ZNF44: variants seen among roughly 807,000 people sequenced by gnomAD.
ZNF44 encodes the protein gonadotropin inducible transcription repressor-2.
A neutral mutation model predicts 11.7 loss-of-function variants in ZNF44; 9 were observed. The ratio of observed to expected loss-of-function variants is 0.77; its 90% confidence interval spans 0.46 to 1.35. ZNF44 has a LOEUF of 1.35. Ranked by LOEUF, ZNF44 falls within the 40% of genes most tolerant of loss-of-function variation. The probability of loss-of-function intolerance (pLI) is 0.00; values close to 1 mark genes in which losing one functional copy is unlikely to be tolerated. For missense variants in ZNF44, 696 were observed against 743.1 expected, an observed-to-expected ratio of 0.94 and a Z score of 0.74; for synonymous variants, 224 against 242.7, an observed-to-expected ratio of 0.92 and a Z score of 0.72.
chr19:12,293,312 C>T (rs1968096810), intron 1 of ZNF44: 1 of 1,536,960 alleles, frequency 6.5e-7, no homozygotes, highest in East Asian at 2.4e-5. Context: ...TCCACTAGGC[C>T]CTCCATGAGA....
At chr19:12,260,249 G>C (rs113137049) in intron 5 of ZNF44, 14 of 811,080 alleles carry the variant, frequency 1.7e-5, no homozygotes, top group Non-Finnish European at 2.8e-5. Flanking sequence ...GCTACAACGG[G>C]CTGATTCACC....
Position 12,272,216 on chromosome 19 carries a change from G to T in ZNF44, c.*191C>A. ...AGACAGGGTTTCCCATGTTAGCCAG[G>T]CTGGTCTCGATCTCCTGGCCTCGTG... On this transcript the variant is annotated 3_prime_UTR_variant, in exon 4 of 4. Transcript: ENST00000355684. 1.1e-6 allele frequency: 1 copy of T among 911,494 alleles called. No individual in the cohort carries two copies. Among genetic ancestry groups the T allele is most frequent in the Non-Finnish European group, 1.5e-6 (1 of 687,830 alleles). The allele number at this position is 911,494 out of a possible 1,614,324, so 56.5% of individuals were successfully genotyped here. A position where few individuals can be genotyped will look rare whatever the true frequency, so the allele number is the denominator to read the frequency against.
At chr19:12,230,732 C>T (rs1916129110) in intron 2 of ZNF44, among the ~76,000 whole-genome samples, 1 of 152,152 alleles carries the variant, frequency 6.6e-6, no homozygotes, top group African/African-American at 2.4e-5. Flanking sequence ...ACACGAAATG[C>T]AGCTTGACAG....
intron 5 of ZNF44, among the ~76,000 whole-genome samples, chr19:12,264,618 A>G (rs1182609089): frequency 6.6e-6 from 1 of 152,236 alleles, no homozygotes; most frequent in Admixed American, 6.5e-5. Flanking sequence ...TTATTTAATC[A>G]CTAGTCAAAC....
chr19:12,243,437 T>A (rs755310407), downstream of ZNF44, among the ~76,000 whole-genome samples: 4 of 152,232 alleles, frequency 2.6e-5, no homozygotes, highest in Non-Finnish European at 4.4e-5. Flanking sequence ...TCATGAAGTA[T>A]TTGCCTATGT....
At chr19:12,289,380 T>G (rs1198378365) in intron 1 of ZNF44, among the ~76,000 whole-genome samples, 1 of 152,138 alleles carries the variant, frequency 6.6e-6, no homozygotes. Context: ...AGGCCACTGA[T>G]TTTTGACACA....
rs975314111 is a variant in ZNF44, at chr19:12,287,140, T to C, written c.3+7552A>G. 5.3e-5 allele frequency among the ~76,000 whole-genome samples: 8 copies of C among 151,918 alleles called. No homozygotes were observed. The South Asian group carries it at 6.2e-4, about 12-fold the overall frequency. ...ATTTTACTACATTGATATATTGCCT[T>C]GTAAAGTCAGGCCTTTCAGTGCATC... On this transcript the variant is annotated intron_variant, in intron 1 of 3. Coordinates refer to ENST00000355684, the MANE Select transcript of ZNF44 (RefSeq NM_016264.4).
chr19:12,272,821 A>C lies in ZNF44; in HGVS notation c.1434T>G (p.Cys478Trp). The C allele has an allele frequency of 1.2e-6, 2 of 1,614,008 alleles. No homozygotes were observed. The highest frequency in any genetic ancestry group is 1.7e-6 in the Non-Finnish European group (2 of 1,179,910). ...TTHSEEEPYE[C>W]KECGKAFSSF... ...AACTAAATGCTTTCCCACACTCCTT[A>C]CATTCATAAGGCTCCTCTTCACTGT... Residue 478 changes from cysteine to tryptophan, a missense_variant, in exon 4 of 4, where the codon TGT becomes TGG. Coordinates refer to ENST00000355684, the MANE Select transcript of ZNF44 (RefSeq NM_016264.4).
intron 5 of ZNF44, among the ~76,000 whole-genome samples, chr19:12,253,979 G>A (rs758394975): frequency 6.6e-6 from 1 of 151,364 alleles, no homozygotes; most frequent in Non-Finnish European, 1.5e-5. Flanking sequence ...ACTCTGTCTC[G>A]AAAAAGGAAA....
At chr19:12,255,321 TAAAA>T (rs200680364) in intron 5 of ZNF44, among the ~76,000 whole-genome samples, 5 of 144,178 alleles carry the variant, frequency 3.5e-5, no homozygotes, top group African/African-American at 1.3e-4. Context: ...CTGCAAGAAA[TAAAA>T]AAAAAATCAA....
At chr19:12,260,759 C>T (rs3098400) in intron 5 of ZNF44, among the ~76,000 whole-genome samples, 58,838 of 151,982 alleles carry the variant, frequency 0.39, 12,578 homozygotes, top group African/African-American at 0.59. Context: ...GTCAGCTGAA[C>T]CTAGAACCAG....
intron 5 of ZNF44, chr19:12,266,359 G>GAC: frequency 1.0e-6 from 1 of 983,354 alleles, no homozygotes; most frequent in Non-Finnish European, 1.2e-6. Flanking sequence ...ACCCTGAGCT[G>GAC]ACACACCCTC....
chr19:12,230,970 G>A (rs1331770017), intron 2 of ZNF44, among the ~76,000 whole-genome samples: 2 of 152,116 alleles, frequency 1.3e-5, no homozygotes, highest in Non-Finnish European at 2.9e-5. Context: ...GGGAGGAGTT[G>A]GAATGTTTCT....
chr19:12,249,288 A>G (rs1477465379), intron 7 of ZNF44, among the ~76,000 whole-genome samples: 1 of 151,104 alleles, frequency 6.6e-6, no homozygotes, highest in East Asian at 2.0e-4. Context: ...GGCGGATCAC[A>G]AGGTCAGGAG....
At chr19:12,234,538 G>A (rs1916301021) in intron 2 of ZNF44, 1 of 152,150 alleles carries the variant, frequency 6.6e-6, no homozygotes, top group Non-Finnish European at 1.5e-5. Context: ...TAGGTTCATT[G>A]TGCACTGCAG....
chr19:12,250,219 T>A (rs780415024), intron 6 of ZNF44: 1 of 1,348,796 alleles, frequency 7.4e-7, no homozygotes, highest in East Asian at 4.6e-5. Context: ...TTCAACAACA[T>A]GATGGAATGA....
At chr19:12,292,826 G>GA (rs1430022606) in intron 1 of ZNF44, among the ~76,000 whole-genome samples, 1 of 147,064 alleles carries the variant, frequency 6.8e-6, no homozygotes, top group Admixed American at 6.7e-5. Flanking sequence ...TAGGCTTGGG[G>GA]AAAAAAATGT....
upstream of ZNF44, among the ~76,000 whole-genome samples, chr19:12,240,838 TAGA>T (rs1599490779): frequency 6.6e-6 from 1 of 152,150 alleles, no homozygotes; most frequent in Non-Finnish European, 1.5e-5. Flanking sequence ...ATAGAAGACT[TAGA>T]AGAAGATATA....
At chr19:12,269,789 G>A (rs1465485530), downstream of ZNF44, among the ~76,000 whole-genome samples, 1 of 152,050 alleles carries the variant, frequency 6.6e-6, no homozygotes, top group African/African-American at 2.4e-5. Flanking sequence ...ATGAGCACTG[G>A]GATGAGGAGA....
Sources: gnomAD v4.1 joint callset for allele counts (sites outside exome capture counted in the v4.1 genomes callset) on GRCh38, gnomAD v4.1.1 for gene constraint, MANE v1.5 for transcripts, NCBI Gene and HGNC (gene_info 2026-07-23, HGNC 2026-07-21) for gene names.